Variants in TMEM140 observed in about 807,000 individuals in gnomAD.
TMEM140 encodes the protein transmembrane protein 140.
For missense variants in TMEM140, 236 were observed against 228.5 expected, an observed-to-expected ratio of 1.03 and a Z score of -0.21; for synonymous variants, 107 against 106.8, an observed-to-expected ratio of 1.00 and a Z score of -0.01.
chr7:135,153,224 G>C (rs1326581271), intron 1 of TMEM140: 1 of 152,228 alleles, frequency 6.6e-6, no homozygotes, highest in Non-Finnish European at 1.5e-5. Flanking sequence ...CAGAGGCCAA[G>C]GTGGGCAGAT....
Position 135,161,170 on chromosome 7 carries a change from G to C in TMEM140, c.-24-3248G>C, listed in dbSNP as rs191903364. On this transcript the variant is annotated intron_variant, in intron 1 of 1. Transcript: ENST00000275767. This position sits in a 1 kb window ranked among gnomAD's most constrained non-coding sequence, Gnocchi z 4.1. ...TGCCTGGTCCTGGGCTTCTTGGCTC[G>C]TTTTGTTTTGCTCTACATTAAAAGG... Among the ~76,000 whole-genome samples, 1 of 152,246 alleles carries C rather than the reference G, an allele frequency of 6.6e-6. No individual in the cohort carries two copies. Among genetic ancestry groups the C allele is most frequent in the African/African-American group, 2.4e-5 (1 of 41,536 alleles).
At chr7:135,148,963 G>A (rs1470387741) in intron 1 of TMEM140, among the ~76,000 whole-genome samples, 3 of 152,046 alleles carry the variant, frequency 2.0e-5, no homozygotes, top group Non-Finnish European at 2.9e-5. Context: ...AGGCTCCTTT[G>A]AAAGAGGGAA....
intron 1 of TMEM140, among the ~76,000 whole-genome samples, chr7:135,150,234 C>G (rs1214338297): frequency 6.6e-6 from 1 of 152,138 alleles, no homozygotes; most frequent in East Asian, 1.9e-4. Flanking sequence ...AATGAAGAAC[C>G]CTTTCAGGAC....
At position 135,165,801 on chromosome 7, in the gene TMEM140, G is replaced by GT. The variant is rs1830092436; in HGVS notation, c.*803dup. ...CAACTTACGCATTGGGGAATTGTGT[G>GT]TATTTTCTAGCACTTGTGTATTGGA... is the stretch of plus-strand genomic sequence containing the variant. On this transcript the variant is annotated 3_prime_UTR_variant, in exon 2 of 2. Coordinates refer to ENST00000275767, the MANE Select transcript of TMEM140 (RefSeq NM_018295.5). 6.0e-6 allele frequency: 1 copy of GT among 166,768 alleles called. No homozygotes were observed. The highest frequency in any genetic ancestry group is 1.5e-5 in the Non-Finnish European group (1 of 68,132). 10.3% of individuals were successfully genotyped at this position (166,768 alleles called of 1,614,324 possible).
intron 1 of TMEM140, among the ~76,000 whole-genome samples, chr7:135,163,398 T>C (rs1160287496): frequency 1.3e-5 from 2 of 152,200 alleles, no homozygotes; most frequent in Non-Finnish European, 2.9e-5. Context: ...TCCCAGCACT[T>C]TGGGAGGCCA....
At position 135,165,303 on chromosome 7, in the gene TMEM140, T is replaced by C. The variant is rs1348290777; in HGVS notation, c.*304T>C. ...TAATGGATCTGAGCAAATCTTCCTC[T>C]AGCTTCAGGAGGGTGGGGAGGGAGT... On this transcript the variant is annotated 3_prime_UTR_variant, in exon 2 of 2. Transcript: ENST00000275767. The C allele has an allele frequency of 1.1e-5, 3 of 284,552 alleles. No homozygotes were observed. Among genetic ancestry groups the C allele is most frequent in the Non-Finnish European group, 2.1e-5 (3 of 142,724 alleles). 17.6% of individuals were successfully genotyped at this position (284,552 alleles called of 1,614,324 possible). A position where few individuals can be genotyped will look rare whatever the true frequency, so the allele number is the denominator to read the frequency against.
intron 1 of TMEM140, among the ~76,000 whole-genome samples, chr7:135,160,810 T>A (rs1829916143): frequency 2.0e-5 from 3 of 151,744 alleles, no homozygotes. Flanking sequence ...CTCAGAGACA[T>A]GACACTAGAG....
chr7:135,164,391 GGACT>G (rs745699495), intron 1 of TMEM140, 23 bp from the exon 2 acceptor site: 1 of 1,530,684 alleles, frequency 6.5e-7, no homozygotes, highest in South Asian at 1.2e-5. Context: ...AGGGAGAGAT[GGACT>G]GACTGCTGTG....
intron 1 of TMEM140, among the ~76,000 whole-genome samples, chr7:135,154,075 C>T (rs1307567776): frequency 6.6e-6 from 1 of 152,042 alleles, no homozygotes; most frequent in African/African-American, 2.4e-5. Flanking sequence ...TTTTGTGTTT[C>T]CAGGGATGTA....
chr7:135,165,626 G>A lies in TMEM140; in HGVS notation c.*627G>A, dbSNP rs966526893. Reference sequence around the variant, plus strand: ...CAAAGCTTCCCTGGACCTGAAGCCAGACAGGGCAGAGGCGTCCGCTGACAA... The same window carrying A: ...CAAAGCTTCCCTGGACCTGAAGCCAAACAGGGCAGAGGCGTCCGCTGACAA... On this transcript the variant is annotated 3_prime_UTR_variant, in exon 2 of 2. Transcript: ENST00000275767. 4 of 167,488 alleles carry A rather than the reference G, an allele frequency of 2.4e-5. No homozygotes were observed. Among genetic ancestry groups the A allele is most frequent in the African/African-American group, 7.2e-5 (3 of 41,444 alleles). 10.4% of individuals were successfully genotyped at this position (167,488 alleles called of 1,614,324 possible). A position where few individuals can be genotyped will look rare whatever the true frequency, so the allele number is the denominator to read the frequency against.
intron 1 of TMEM140, chr7:135,152,906 C>A (rs1321537008): frequency 1.3e-5 from 2 of 152,134 alleles, no homozygotes; most frequent in Non-Finnish European, 2.9e-5. Flanking sequence ...GCTGGTGGTG[C>A]CCGATGGGGA....
chr7:135,156,030 CTGT>C (rs1466502704), intron 1 of TMEM140, among the ~76,000 whole-genome samples: 1 of 116,082 alleles, frequency 8.6e-6, no homozygotes. Context: ...GACAGACACA[CTGT>C]TTTTTTTTTT....
chr7:135,148,201 C>G lies in TMEM140; in HGVS notation c.-94C>G, dbSNP rs1829586802. The G allele has an allele frequency of 2.3e-6, 1 of 431,404 alleles. No homozygotes were observed. The highest frequency in any genetic ancestry group is 2.1e-5 in the African/African-American group (1 of 48,314). The allele number at this position is 431,404 out of a possible 1,614,324, so 26.7% of individuals were successfully genotyped here. ...TAGAAAGCCAGCGAGAAGGAAGATT[C>G]AAACAACCAACCCTGATTTCCTGCT... On this transcript the variant is annotated 5_prime_UTR_variant, in exon 1 of 2. Coordinates refer to ENST00000275767, the MANE Select transcript of TMEM140 (RefSeq NM_018295.5).
intron 1 of TMEM140, among the ~76,000 whole-genome samples, chr7:135,160,894 G>C (rs1829918347): frequency 6.6e-6 from 1 of 152,198 alleles, no homozygotes; most frequent in Non-Finnish European, 1.5e-5. Context: ...TTGCTGCATG[G>C]ATCAGATTTA....
At chr7:135,155,855 ATAAT>A (rs1338189219) in intron 1 of TMEM140, among the ~76,000 whole-genome samples, 1 of 152,240 alleles carries the variant, frequency 6.6e-6, no homozygotes. Flanking sequence ...TCTATCAAAA[ATAAT>A]TAATTAAAAA....
chr7:135,158,435 C>A (rs1829848359), intron 1 of TMEM140, among the ~76,000 whole-genome samples: 1 of 152,162 alleles, frequency 6.6e-6, no homozygotes, highest in African/African-American at 2.4e-5. Context: ...GGGAGGAGCA[C>A]CTCACAAGTA....
chr7:135,148,252 G>A lies in TMEM140; in HGVS notation c.-43G>A. 2.6e-6 allele frequency: 1 copy of A among 385,220 alleles called. No individual in the cohort carries two copies. The highest frequency in any genetic ancestry group is 5.1e-6 in the Non-Finnish European group (1 of 196,252). The allele number at this position is 385,220 out of a possible 1,614,324, so 23.9% of individuals were successfully genotyped here. ...TCTCCTTTTCATGAGTGTTCCTGTG[G>A]TCTCTGCACCTCCTTTCTGTAAGTA... On this transcript the variant is annotated 5_prime_UTR_variant, in exon 1 of 2. Coordinates refer to ENST00000275767, the MANE Select transcript of TMEM140 (RefSeq NM_018295.5).
intron 1 of TMEM140, among the ~76,000 whole-genome samples, chr7:135,159,021 G>A (rs549701168): frequency 2.0e-5 from 3 of 152,334 alleles, no homozygotes; most frequent in South Asian, 2.1e-4. Flanking sequence ...GTTTCCTTCC[G>A]TGGCCAAGAT....
rs901568334 is a variant in TMEM140 at position 135,148,119 on chromosome 7, T to G, written c.-176T>G. 8.8e-6 allele frequency: 4 copies of G among 455,592 alleles called. No homozygotes were observed. Among genetic ancestry groups the G allele is most frequent in the Non-Finnish European group, 1.8e-5 (4 of 226,868 alleles). The allele number at this position is 455,592 out of a possible 1,614,324, so 28.2% of individuals were successfully genotyped here. A position where few individuals can be genotyped will look rare whatever the true frequency, so the allele number is the denominator to read the frequency against. ...ACTGCGAAGGCAAGGGGGCACCAGC[T>G]CAGGACTGCATCTGCCTGCCATTTC... On this transcript the variant is annotated 5_prime_UTR_variant, in exon 1 of 2. Coordinates refer to ENST00000275767, the MANE Select transcript of TMEM140 (RefSeq NM_018295.5).
Sources: allele counts gnomAD v4.1 joint callset (sites outside exome capture counted in the v4.1 genomes callset), GRCh38; gene constraint gnomAD v4.1.1; non-coding constraint Gnocchi (gnomAD v3.1); transcripts MANE v1.5; gene names NCBI Gene and HGNC (gene_info 2026-07-23, HGNC 2026-07-21).